TMEM178B: variants seen among roughly 807,000 people sequenced by gnomAD.
TMEM178B encodes the protein transmembrane protein 178B.
A neutral mutation model predicts 31.0 loss-of-function variants in TMEM178B; 5 were observed. That is an observed-to-expected ratio of 0.16 (90% confidence interval 0.08 to 0.34). The LOEUF is 0.34. Among genes scored for constraint, TMEM178B ranks in the 10% least tolerant of loss-of-function variants. The pLI, the probability that TMEM178B is intolerant of heterozygous loss-of-function variation, is 1.00. For synonymous variants in TMEM178B, 164 were observed against 164.0 expected (o/e 1.00, Z 0.00); for missense variants, 275 against 400.3 (o/e 0.69, Z 2.67).
chr7:141,505,628 G>A, the TMEM178B span, among the ~76,000 whole-genome samples: 2 of 152,194 alleles, frequency 1.3e-5, no homozygotes. Flanking sequence ...AAGCTTTGCT[G>A]CTCCCTCAAC....
chr7:141,237,605 G>C (rs1338695683), intron 2 of TMEM178B, among the ~76,000 whole-genome samples: 1 of 152,172 alleles, frequency 6.6e-6, no homozygotes, highest in Non-Finnish European at 1.5e-5. Flanking sequence ...TTATCTCTGG[G>C]TGGTGGGATT....
chr7:141,437,885 C>A, intron 3 of TMEM178B, 140 bp downstream of exon 3: 1 of 1,266,954 alleles, frequency 7.9e-7, no homozygotes, highest in Non-Finnish European at 1.1e-6. Flanking sequence ...GGTTCACAAG[C>A]ACTTCTTGAG....
intron 2 of TMEM178B, among the ~76,000 whole-genome samples, chr7:141,281,787 A>G (rs182213663): frequency 2.0e-5 from 3 of 152,324 alleles, no homozygotes; most frequent in African/African-American, 7.2e-5. Context: ...GAGGGACACG[A>G]CATTGTGGAG....
intron 2 of TMEM178B, among the ~76,000 whole-genome samples, chr7:141,426,967 TGC>T (rs1264231273): frequency 6.6e-6 from 1 of 152,082 alleles, no homozygotes; most frequent in East Asian, 1.9e-4. Context: ...GTATAGTAGC[TGC>T]AAAAAATTTA....
intron 2 of TMEM178B, among the ~76,000 whole-genome samples, chr7:141,420,626 G>C (rs1411018322): frequency 1.3e-5 from 2 of 152,180 alleles, no homozygotes; most frequent in Non-Finnish European, 2.9e-5. Context: ...CTTAACAGGA[G>C]AGGGAATGAG....
intron 2 of TMEM178B, among the ~76,000 whole-genome samples, chr7:141,292,425 C>T (rs1271191939): frequency 6.6e-6 from 1 of 152,166 alleles, no homozygotes; most frequent in Non-Finnish European, 1.5e-5. Flanking sequence ...ATTCCTCAAG[C>T]ACCTTTCATC....
chr7:141,499,273 G>A, the TMEM178B span, among the ~76,000 whole-genome samples: 3 of 152,032 alleles, frequency 2.0e-5, no homozygotes, highest in Admixed American at 2.0e-4. Flanking sequence ...CCAATATGAA[G>A]GGGGTGACTC....
At chr7:141,134,401 T>C (rs1252632750) in intron 1 of TMEM178B, among the ~76,000 whole-genome samples, 1 of 152,052 alleles carries the variant, frequency 6.6e-6, no homozygotes, top group African/African-American at 2.4e-5. Context: ...AAGCAAAAAC[T>C]GAGGACATCC....
intron 1 of TMEM178B, among the ~76,000 whole-genome samples, chr7:141,136,742 T>A (rs1192515779): frequency 6.6e-6 from 1 of 152,146 alleles, no homozygotes; most frequent in Non-Finnish European, 1.5e-5. Flanking sequence ...GGCTGATGCA[T>A]ATAATCCCAG....
intron 2 of TMEM178B, among the ~76,000 whole-genome samples, chr7:141,331,645 G>A (rs1192062386): frequency 6.6e-6 from 1 of 152,172 alleles, no homozygotes; most frequent in Non-Finnish European, 1.5e-5. Context: ...CTCTTGTGAA[G>A]AGCCTTGCTG....
chr7:141,353,882 C>T (rs1799776261), intron 2 of TMEM178B, among the ~76,000 whole-genome samples: 1 of 152,174 alleles, frequency 6.6e-6, no homozygotes, highest in Non-Finnish European at 1.5e-5. Context: ...GCAAAGTATC[C>T]TCTAATGATC....
chr7:141,322,325 G>A (rs1026261035), intron 2 of TMEM178B, among the ~76,000 whole-genome samples: 14 of 149,962 alleles, frequency 9.3e-5, no homozygotes, highest in African/African-American at 3.2e-4. Context: ...TCAGGAGTTC[G>A]AGACCAGCCT....
intron 2 of TMEM178B, among the ~76,000 whole-genome samples, chr7:141,286,419 C>G (rs1472118317): frequency 6.6e-6 from 1 of 152,142 alleles, no homozygotes; most frequent in African/African-American, 2.4e-5. Flanking sequence ...ATATTTTGCC[C>G]TTATCCCAAC....
At chr7:141,160,258 G>A (rs1796147267) in intron 1 of TMEM178B, among the ~76,000 whole-genome samples, 1 of 151,946 alleles carries the variant, frequency 6.6e-6, no homozygotes, top group African/African-American at 2.4e-5. Context: ...TCTTATGTGA[G>A]GTGATGAATT....
At chr7:141,114,747 AC>A (rs1795291454) in intron 1 of TMEM178B, among the ~76,000 whole-genome samples, 1 of 152,162 alleles carries the variant, frequency 6.6e-6, no homozygotes, top group Admixed American at 6.5e-5. Flanking sequence ...CAGATAACCT[AC>A]TGCATATAAA....
chr7:141,490,653 A>G, the TMEM178B span, among the ~76,000 whole-genome samples: 1 of 152,342 alleles, frequency 6.6e-6, no homozygotes, highest in South Asian at 2.1e-4. Context: ...GAGTGTGTAG[A>G]GAAGCACAGT....
At chr7:141,195,987 C>A (rs1796776822) in intron 1 of TMEM178B, among the ~76,000 whole-genome samples, 1 of 152,140 alleles carries the variant, frequency 6.6e-6, no homozygotes, top group East Asian at 1.9e-4. Context: ...CCCCCTGGGT[C>A]CCTCCCACAA....
intron 1 of TMEM178B, among the ~76,000 whole-genome samples, chr7:141,148,803 A>G (rs1468640401): frequency 6.6e-6 from 1 of 152,202 alleles, no homozygotes; most frequent in African/African-American, 2.4e-5. Flanking sequence ...GAATTAAGAA[A>G]GGTGTGAGAA....
downstream of TMEM178B, among the ~76,000 whole-genome samples, chr7:141,484,684 C>T (rs1802528274): frequency 6.6e-6 from 1 of 152,154 alleles, no homozygotes; most frequent in African/African-American, 2.4e-5. This position sits in a 1 kb window ranked among gnomAD's most constrained non-coding sequence, Gnocchi z 4.8. Context: ...GCCTCAGCCT[C>T]CTGAGTAGGT....
Sources: allele counts gnomAD v4.1 joint callset (sites outside exome capture counted in the v4.1 genomes callset), GRCh38; gene constraint gnomAD v4.1.1; non-coding constraint Gnocchi (gnomAD v3.1); transcripts MANE v1.5; gene names NCBI Gene and HGNC (gene_info 2026-07-23, HGNC 2026-07-21).